Variants in MAF observed in about 807,000 individuals in gnomAD.
MAF encodes transcription factor Maf.
MAF carries 10 observed loss-of-function variants against 22.0 expected under a neutral mutation model. The ratio of observed to expected loss-of-function variants is 0.45; its 90% CI spans 0.28 to 0.77. The LOEUF is 0.77. Among genes scored for constraint, MAF ranks in the 30% least tolerant of loss-of-function variants. The pLI, the probability that MAF is intolerant of heterozygous loss-of-function variation, is 0.12. For missense variants in MAF, 544 were observed against 548.4 expected, an observed-to-expected ratio of 0.99 and a Z score of 0.08; for synonymous variants, 337 against 255.8, an observed-to-expected ratio of 1.32 and a Z score of -3.03.
At chr16:79,585,776 G>A, downstream of MAF, 2 of 579,638 alleles carry the variant, frequency 3.5e-6, no homozygotes, top group East Asian at 2.9e-5. Flanking sequence ...AAAGTTAGCA[G>A]CATTCCTTGT....
the MAF span, among the ~76,000 whole-genome samples, chr16:79,320,040 A>G: frequency 6.6e-6 from 1 of 152,174 alleles, no homozygotes; most frequent in Non-Finnish European, 1.5e-5. Context: ...TATGAGTCCA[A>G]CCAACCTTGG....
the MAF span, among the ~76,000 whole-genome samples, chr16:79,510,433 C>T: frequency 5.0e-4 from 76 of 151,886 alleles, no homozygotes; most frequent in East Asian, 3.5e-3. Context: ...GGGACTATCA[C>T]CCCACCCTTC....
the MAF span, among the ~76,000 whole-genome samples, chr16:79,575,055 C>T: frequency 6.6e-6 from 1 of 150,558 alleles, no homozygotes; most frequent in East Asian, 2.0e-4. Flanking sequence ...GATGTCTGAG[C>T]CCCAACGGCC....
the MAF span, among the ~76,000 whole-genome samples, chr16:79,527,836 G>A: frequency 3.3e-5 from 5 of 152,106 alleles, no homozygotes; most frequent in Non-Finnish European, 7.4e-5. Flanking sequence ...CAGACAAGAG[G>A]ATGATGGTTT....
At chr16:79,453,216 G>A in the MAF span, among the ~76,000 whole-genome samples, 7 of 152,060 alleles carry the variant, frequency 4.6e-5, no homozygotes, top group East Asian at 1.4e-3. Flanking sequence ...TCTATTCTGA[G>A]GTCTCTACTC....
chr16:79,500,373 G>A, the MAF span, among the ~76,000 whole-genome samples: 619 of 152,244 alleles, frequency 4.1e-3, 6 homozygotes, highest in Non-Finnish European at 4.5e-3. Context: ...TTGGGGTTAG[G>A]CAAACCTCTG....
At chr16:79,550,510 G>A in the MAF span, among the ~76,000 whole-genome samples, 1 of 152,236 alleles carries the variant, frequency 6.6e-6, no homozygotes. Flanking sequence ...AGCTCACCAT[G>A]TGACCCATTG....
the MAF span, among the ~76,000 whole-genome samples, chr16:79,531,344 C>A: frequency 6.6e-6 from 1 of 152,166 alleles, no homozygotes; most frequent in Non-Finnish European, 1.5e-5. Context: ...CCCATCCTTT[C>A]TAACACCAGG....
chr16:79,379,002 G>C, the MAF span, among the ~76,000 whole-genome samples: 1 of 152,138 alleles, frequency 6.6e-6, no homozygotes, highest in Admixed American at 6.5e-5. Context: ...CCTTCTCTCA[G>C]GACCATTATT....
chr16:79,456,438 A>G, the MAF span, among the ~76,000 whole-genome samples: 1 of 152,162 alleles, frequency 6.6e-6, no homozygotes, highest in African/African-American at 2.4e-5. Context: ...TCTCCTTCTT[A>G]ACAGGTCCAA....
chr16:79,213,267 G>C, the MAF span, among the ~76,000 whole-genome samples: 4 of 151,752 alleles, frequency 2.6e-5, no homozygotes, highest in Non-Finnish European at 5.9e-5. Flanking sequence ...TTGAACTTCT[G>C]TGCCTCTGCA....
chr16:79,274,597 G>A, the MAF span, among the ~76,000 whole-genome samples: 32 of 152,140 alleles, frequency 2.1e-4, no homozygotes, highest in Admixed American at 7.2e-4. Context: ...TGTATAGCCC[G>A]GCAGTTAGTG....
chr16:79,236,944 G>GAAAAAAA, the MAF span, among the ~76,000 whole-genome samples: 1 of 140,658 alleles, frequency 7.1e-6, no homozygotes. Flanking sequence ...ATAAATCTCG[G>GAAAAAAA]AAAAAAAAAA....
At chr16:79,299,915 C>T in the MAF span, among the ~76,000 whole-genome samples, 1 of 152,226 alleles carries the variant, frequency 6.6e-6, no homozygotes, top group Non-Finnish European at 1.5e-5. Flanking sequence ...AATTCGAACT[C>T]TTGGCAAACA....
the MAF span, among the ~76,000 whole-genome samples, chr16:79,380,925 C>T: frequency 6.6e-6 from 1 of 152,188 alleles, no homozygotes; most frequent in Non-Finnish European, 1.5e-5. Flanking sequence ...TTCAGACTGG[C>T]AATTATTTCA....
the MAF span, among the ~76,000 whole-genome samples, chr16:79,239,358 G>A: frequency 6.6e-6 from 1 of 151,968 alleles, no homozygotes; most frequent in Non-Finnish European, 1.5e-5. Context: ...GACAGTCCAC[G>A]CTGAAACTGG....
chr16:79,521,110 C>G, the MAF span, among the ~76,000 whole-genome samples: 1 of 152,166 alleles, frequency 6.6e-6, no homozygotes, highest in African/African-American at 2.4e-5. Context: ...AAGAATGCAT[C>G]GAAAGCGCTT....
At chr16:79,389,450 G>A in the MAF span, among the ~76,000 whole-genome samples, 11 of 151,938 alleles carry the variant, frequency 7.2e-5, no homozygotes, top group Non-Finnish European at 1.6e-4. Context: ...TAGAGACAGG[G>A]TTTCACCATG....
the MAF span, among the ~76,000 whole-genome samples, chr16:79,413,157 T>C: frequency 2.0e-4 from 30 of 150,274 alleles, no homozygotes; most frequent in African/African-American, 7.1e-4. Context: ...AAGCTTCCAT[T>C]ATGGAGTTAG....
Sources: gnomAD v4.1 joint callset for allele counts (sites outside exome capture counted in the v4.1 genomes callset) on GRCh38, gnomAD v4.1.1 for gene constraint, MANE v1.5 for transcripts, NCBI Gene and HGNC (gene_info 2026-07-23, HGNC 2026-07-21) for gene names.